The following RAB9B variants were observed in gnomAD, a reference collection of about 807,000 sequenced individuals.
RAB9B encodes RAB9B, member RAS oncogene family, also known as ras-related protein Rab-9B.
RAB9B carries 1 observed loss-of-function variant against 8.9 expected under a neutral mutation model. The ratio of observed to expected loss-of-function variants is 0.11; its 90% CI spans 0.04 to 0.53. The LOEUF (loss-of-function observed/expected upper bound fraction) is 0.53, where lower values mean the gene tolerates loss of function less well. Ranked by LOEUF, RAB9B falls within the 20% of genes least tolerant of loss-of-function variation. The pLI, the probability that RAB9B is intolerant of heterozygous loss-of-function variation, is 0.93. For synonymous variants in RAB9B, 63 were observed against 57.0 expected (o/e 1.10, Z -0.47); for missense variants, 82 against 152.9 (o/e 0.54, Z 2.45).
chrX:103,787,992 C>T, the RAB9B span: 23 of 1,135,847 alleles, frequency 2.0e-5, no homozygotes, highest in Admixed American at 3.5e-4. Flanking sequence ...GGTGCTTTGG[C>T]TCTCCTACCC....
chrX:103,817,969 T>G (rs2147781982), downstream of RAB9B, among the ~76,000 whole-genome samples: 1 of 111,587 alleles, frequency 9.0e-6, no homozygotes, highest in African/African-American at 3.3e-5. Context: ...TTCTAATTTA[T>G]CAGAACATAA....
chrX:103,803,305 A>T, the RAB9B span, among the ~76,000 whole-genome samples: 1 of 112,296 alleles, frequency 8.9e-6, no homozygotes, highest in Admixed American at 9.4e-5. Context: ...GCAACATTCT[A>T]CATTTCCAAT....
downstream of RAB9B, among the ~76,000 whole-genome samples, chrX:103,818,863 AT>A (rs1390554803): frequency 9.0e-6 from 1 of 110,996 alleles, no homozygotes; most frequent in Non-Finnish European, 1.9e-5. Context: ...TCATTACTTC[AT>A]TTTTCTACGG....
At chrX:103,814,504 A>C in the RAB9B span, among the ~76,000 whole-genome samples, 1 of 111,623 alleles carries the variant, frequency 9.0e-6, no homozygotes, top group South Asian at 3.8e-4. Context: ...TAAAATCGAC[A>C]CCCTAACATC....
chrX:103,788,967 T>C, the RAB9B span: 1 of 313,067 alleles, frequency 3.2e-6, no homozygotes, highest in Non-Finnish European at 5.7e-6. Context: ...ACAGATATTA[T>C]ATACAAATGA....
the RAB9B span, among the ~76,000 whole-genome samples, chrX:103,796,986 C>T: frequency 1.9e-5 from 2 of 107,312 alleles, no homozygotes; most frequent in African/African-American, 6.8e-5. Context: ...GTGATTGCAC[C>T]ATTACACTCC....
chrX:103,825,703 C>T lies in RAB9B; in HGVS notation c.82G>A (p.Val28Ile), dbSNP rs1321964920. ...GCCTGGGAGTCAAATTTGTTGGTTA[C>T]GTAACGGTTCATAAGCGAACTTTTC... ...VGKSSLMNRY[V>I]TNKFDSQAFH... The change falls in exon 3 of 3, where the codon GTA (valine) becomes ATA (isoleucine). Residue 28 changes from valine to isoleucine, a missense_variant. Physicochemically the swap from Val to Ile is conservative, Grantham distance 29 (BLOSUM62 3). Coordinates refer to ENST00000243298, the MANE Select transcript of RAB9B (RefSeq NM_016370.4). The T allele has an allele frequency of 1.8e-5, 22 of 1,206,391 alleles. No homozygotes were observed. Among genetic ancestry groups the T allele is most frequent in the Non-Finnish European group, 2.5e-5 (22 of 892,569 alleles).
intron 1 of RAB9B, among the ~76,000 whole-genome samples, chrX:103,829,639 A>G (rs1422877618): frequency 8.9e-6 from 1 of 112,294 alleles, no homozygotes; most frequent in African/African-American, 3.2e-5. Flanking sequence ...TTGGATGTAG[A>G]TACTGTTGGG....
the RAB9B span, chrX:103,780,976 G>A: frequency 1.4e-5 from 2 of 146,391 alleles, no homozygotes; most frequent in Non-Finnish European, 2.7e-5. Flanking sequence ...ACCTAGGGAG[G>A]TGGGGCCAGT....
the RAB9B span, among the ~76,000 whole-genome samples, chrX:103,803,251 G>A: frequency 0.028 from 3,156 of 111,947 alleles, 115 homozygotes; most frequent in African/African-American, 0.097. Flanking sequence ...ATAATTTTAT[G>A]TTTAACTTTT....
At chrX:103,826,833 A>G (rs997145341) in intron 2 of RAB9B, among the ~76,000 whole-genome samples, 172 bp downstream of exon 2, 11 of 111,851 alleles carry the variant, frequency 9.8e-5, no homozygotes, top group African/African-American at 3.6e-4. Flanking sequence ...AGTGCATGCA[A>G]AACAGTTTCT....
At chrX:103,798,009 A>T in the RAB9B span, among the ~76,000 whole-genome samples, 1 of 111,148 alleles carries the variant, frequency 9.0e-6, no homozygotes, top group Non-Finnish European at 1.9e-5. Context: ...CATCAGGATC[A>T]CCCGGGAGCT....
rs1009536299 is a variant in RAB9B at position 103,825,004 on chromosome X, TA to T, written c.*174del. ...TGGCTTGATAGAGCTTCATTTTTTT[TA>T]ATTTTTAATTTTTTTAAATCAATCT... On this transcript the variant is annotated 3_prime_UTR_variant, in exon 3 of 3. Coordinates refer to ENST00000243298, the MANE Select transcript of RAB9B (RefSeq NM_016370.4). 1 of 497,116 alleles carries T rather than the reference TA, an allele frequency of 2.0e-6. No homozygotes were observed. The highest frequency in any genetic ancestry group is 2.4e-5 in the African/African-American group (1 of 40,818). The allele number at this position is 497,116 out of a possible 1,213,427, so 41.0% of individuals were successfully genotyped here. A position where few individuals can be genotyped will look rare whatever the true frequency, so the allele number is the denominator to read the frequency against.
intron 1 of RAB9B, among the ~76,000 whole-genome samples, chrX:103,827,905 G>T (rs967436045): frequency 8.9e-6 from 1 of 111,820 alleles, no homozygotes; most frequent in African/African-American, 3.2e-5. Context: ...GGGTTCAAAC[G>T]ATCTGCCCAC....
the RAB9B span, among the ~76,000 whole-genome samples, chrX:103,796,044 G>A: frequency 8.9e-6 from 1 of 112,436 alleles, no homozygotes; most frequent in Non-Finnish European, 1.9e-5. Flanking sequence ...GGGTGCTTAT[G>A]GAATTTCTGC....
Position 103,825,263 on chromosome X carries a change from A to G in RAB9B, c.522T>C (p.Ala174=), listed in dbSNP as rs763892219. The G allele has an allele frequency of 5.0e-6, 6 of 1,211,755 alleles. No individual in the cohort carries two copies. In the South Asian group the frequency reaches 1.1e-4, roughly 21 times the overall value. The stretch of plus-strand genomic sequence containing the variant: ...TGCAATGCTCCAGCTGTTCCTCTAC[A>G]GCCAGCACCTGCCTGACAGCTTCTT... The part of the protein sequence containing the change: ...AFEEAVRQVL[A]VEEQLEHCML... Residue 174 remains alanine (A), a synonymous_variant, in exon 3 of 3, where the codon GCT becomes GCC. Coordinates refer to ENST00000243298, the MANE Select transcript of RAB9B (RefSeq NM_016370.4).
At chrX:103,789,173 C>A in the RAB9B span, 2 of 513,133 alleles carry the variant, frequency 3.9e-6, no homozygotes, top group Non-Finnish European at 7.0e-6. Flanking sequence ...ACACTGAAGA[C>A]TGGGAGGCCC....
chrX:103,776,541 A>G, the RAB9B span: 1 of 137,091 alleles, frequency 7.3e-6, no homozygotes, highest in African/African-American at 3.2e-5. Flanking sequence ...TGCATATCCC[A>G]CACCAATTAG....
At chrX:103,782,477 TAAG>T in the RAB9B span, among the ~76,000 whole-genome samples, 1 of 111,940 alleles carries the variant, frequency 8.9e-6, no homozygotes, top group African/African-American at 3.3e-5. Flanking sequence ...TATCACCCAG[TAAG>T]AACACAATCC....
Sources: gnomAD v4.1 joint callset for allele counts (sites outside exome capture counted in the v4.1 genomes callset) on GRCh38, gnomAD v4.1.1 for gene constraint, MANE v1.5 for transcripts, NCBI Gene and HGNC (gene_info 2026-07-23, HGNC 2026-07-21) for gene names.